Variants in NTN1 observed in about 807,000 individuals in gnomAD.
The protein encoded by NTN1 is netrin-1.
Under a neutral mutation model 54.2 loss-of-function variants are expected in NTN1, and 11 were observed. The ratio of observed to expected loss-of-function variants is 0.20; its 90% CI spans 0.13 to 0.34. NTN1 has a LOEUF of 0.34. Among genes scored for constraint, NTN1 ranks in the 10% least tolerant of loss-of-function variants. NTN1 has a pLI of 1.00. For missense variants in NTN1, 740 were observed against 893.1 expected, an observed-to-expected ratio of 0.83 and a Z score of 2.18; for synonymous variants, 371 against 382.0, an observed-to-expected ratio of 0.97 and a Z score of 0.33.
chr17:9,216,934 C>T (rs118178769), intron 5 of NTN1, among the ~76,000 whole-genome samples: 3,589 of 151,672 alleles, frequency 0.024, 66 homozygotes, highest in Non-Finnish European at 0.035. Flanking sequence ...CCTAGCTACT[C>T]GGGAGGCTGG....
intron 2 of NTN1, among the ~76,000 whole-genome samples, chr17:9,098,196 A>T (rs910899432): frequency 1.3e-5 from 2 of 152,212 alleles, no homozygotes. Flanking sequence ...GTTCCCAGAC[A>T]TAAGGTTGAT....
intron 2 of NTN1, among the ~76,000 whole-genome samples, chr17:9,113,950 G>T (rs2092200782): frequency 1.3e-5 from 2 of 151,574 alleles, no homozygotes; most frequent in African/African-American, 2.4e-5. Context: ...ATCACTTGAG[G>T]TCAGGAGTTT....
At chr17:9,225,507 C>G (rs1184484874) in intron 6 of NTN1, among the ~76,000 whole-genome samples, 2 of 152,172 alleles carry the variant, frequency 1.3e-5, no homozygotes, top group African/African-American at 4.8e-5. Context: ...TTCTCTGAGG[C>G]TGAGGCAAGG....
At position 9,242,289 on chromosome 17, in the gene NTN1, C is replaced by T. The variant is rs1034260230; in HGVS notation, c.*2321C>T. The T allele has an allele frequency of 2.0e-5, 3 of 152,366 alleles. No homozygotes were observed. The highest frequency in any genetic ancestry group is 4.4e-5 in the Non-Finnish European group (3 of 68,138). The allele number at this position is 152,366 out of a possible 1,614,324, so 9.4% of individuals were successfully genotyped here. A position where few individuals can be genotyped will look rare whatever the true frequency, so the allele number is the denominator to read the frequency against. On this transcript the variant is annotated 3_prime_UTR_variant, in exon 7 of 7. Transcript: ENST00000173229. ...AAGGGGCATTTGGCTTCCCTGAATC[C>T]AGCCCAAGGCTAGAAGACAGGGCCC...
chr17:9,164,817 G>C (rs956710674), intron 3 of NTN1, among the ~76,000 whole-genome samples: 3 of 152,168 alleles, frequency 2.0e-5, no homozygotes, highest in Non-Finnish European at 4.4e-5. Flanking sequence ...ACGGTTTCAG[G>C]TGAGAATCCC....
Position 9,101,290 on chromosome 17 carries a change from C to CT in NTN1, c.1019-61522dup, listed in dbSNP as rs1361413041. On this transcript the variant is annotated intron_variant, in intron 2 of 6. Transcript: ENST00000173229. ...ATTTGGGTGGACCAAAGCATCCAGT[C>CT]TATTTCAGGGAGTTGATTCGTGAGA... 3.4e-4 allele frequency among the ~76,000 whole-genome samples: 51 copies of CT among 152,196 alleles called. No individual in the cohort carries two copies. In the Middle Eastern group the frequency reaches 0.01, roughly 30 times the overall value.
At chr17:9,062,493 T>C (rs2092001921) in intron 2 of NTN1, among the ~76,000 whole-genome samples, 1 of 152,196 alleles carries the variant, frequency 6.6e-6, no homozygotes, top group African/African-American at 2.4e-5. Flanking sequence ...TACAGAAATA[T>C]GGCTCCTCCA....
intron 4 of NTN1, among the ~76,000 whole-genome samples, chr17:9,181,501 C>T (rs1597523757): frequency 6.6e-6 from 1 of 152,188 alleles, no homozygotes; most frequent in South Asian, 2.1e-4. Flanking sequence ...TTTTTAGGGC[C>T]AGCTTCCTAA....
At chr17:9,209,569 A>G (rs1221097263) in intron 5 of NTN1, among the ~76,000 whole-genome samples, 4 of 152,112 alleles carry the variant, frequency 2.6e-5, no homozygotes, top group Non-Finnish European at 5.9e-5. Flanking sequence ...CTGTTGGTGC[A>G]CCAAAGGGAA....
intron 5 of NTN1, among the ~76,000 whole-genome samples, chr17:9,199,383 C>T (rs1904723061): frequency 6.6e-6 from 1 of 152,196 alleles, no homozygotes; most frequent in Admixed American, 6.5e-5. Context: ...CTCAAATGAT[C>T]CACCCACCTC....
chr17:9,087,009 A>C (rs2092092045), intron 2 of NTN1, among the ~76,000 whole-genome samples: 1 of 152,190 alleles, frequency 6.6e-6, no homozygotes, highest in Non-Finnish European at 1.5e-5. Flanking sequence ...AGCTCTTTGC[A>C]CACATTGTCT....
chr17:9,133,412 G>T (rs2092271612), intron 2 of NTN1, among the ~76,000 whole-genome samples: 1 of 152,190 alleles, frequency 6.6e-6, no homozygotes, highest in Non-Finnish European at 1.5e-5. Flanking sequence ...TCTCCTCCTT[G>T]CTCCCAGGCG....
At chr17:9,172,486 G>A (rs1463333833) in intron 3 of NTN1, among the ~76,000 whole-genome samples, 9 of 151,206 alleles carry the variant, frequency 6.0e-5, no homozygotes, top group African/African-American at 2.2e-4. Context: ...CTCAAAAAAA[G>A]AGAAGCTCCT....
intron 3 of NTN1, among the ~76,000 whole-genome samples, chr17:9,166,481 A>G (rs1036931748): frequency 6.6e-6 from 1 of 151,480 alleles, no homozygotes; most frequent in African/African-American, 2.4e-5. Context: ...AGCTGGGATT[A>G]TAGGTGCAAG....
rs574188524 is a variant in NTN1 at position 9,057,054 on chromosome 17, A to G, written c.1018+33663A>G. On this transcript the variant is annotated intron_variant, in intron 2 of 6. Transcript: ENST00000173229. ...CATGCAAAATCTTATTTGGAAACTC[A>G]GTGTGGAAAACAGGCAAAACTCGGG... Among the ~76,000 whole-genome samples the G allele has an allele frequency of 7.9e-5, 12 of 152,174 alleles. No homozygotes were observed. In the South Asian group the frequency reaches 2.5e-3, roughly 32 times the overall value.
intron 3 of NTN1, chr17:9,173,792 T>A (rs1021424239): frequency 9.2e-5 from 14 of 152,354 alleles, no homozygotes; most frequent in Non-Finnish European, 1.9e-4. Flanking sequence ...CCACATTCAC[T>A]GCTGGGGCAA....
At chr17:9,158,118 T>A (rs2092348355) in intron 2 of NTN1, among the ~76,000 whole-genome samples, 1 of 152,188 alleles carries the variant, frequency 6.6e-6, no homozygotes, top group South Asian at 2.1e-4. Context: ...AGTCTGAGCA[T>A]GGGCATTTGC....
chr17:9,010,763 C>T, the NTN1 span, among the ~76,000 whole-genome samples: 1 of 152,146 alleles, frequency 6.6e-6, no homozygotes, highest in Non-Finnish European at 1.5e-5. Context: ...GGGCAGCGGT[C>T]CTCAACCTTT....
chr17:9,134,445 C>T (rs1441537411), intron 2 of NTN1, among the ~76,000 whole-genome samples: 2 of 152,178 alleles, frequency 1.3e-5, no homozygotes, highest in African/African-American at 4.8e-5. Flanking sequence ...ACTGGAAAAT[C>T]AGGGATTGAC....
Sources: allele counts gnomAD v4.1 joint callset (sites outside exome capture counted in the v4.1 genomes callset), GRCh38; gene constraint gnomAD v4.1.1; transcripts MANE v1.5; gene names NCBI Gene and HGNC (gene_info 2026-07-23, HGNC 2026-07-21).